The following DNAH11 variants were observed in gnomAD, a reference collection of about 807,000 sequenced individuals.
DNAH11 encodes axonemal beta dynein heavy chain 11.
A neutral mutation model predicts 526.0 loss-of-function variants in DNAH11; 442 were observed. The observed-to-expected ratio is 0.84, with a 90% CI of 0.78 to 0.91. The LOEUF (loss-of-function observed/expected upper bound fraction) is 0.91, where lower values mean the gene tolerates loss of function less well. Among genes scored for constraint, DNAH11 ranks in the 40% least tolerant of loss-of-function variants. The probability of loss-of-function intolerance (pLI) is 0.00; values close to 1 mark genes in which losing one functional copy is unlikely to be tolerated. For missense variants in DNAH11, 6,989 were observed against 5,448.7 expected, an observed-to-expected ratio of 1.28 and a Z score of -8.90; for synonymous variants, 2,461 against 1,935.9, an observed-to-expected ratio of 1.27 and a Z score of -7.12.
intron 61 of DNAH11, among the ~76,000 whole-genome samples, chr7:21,792,979 G>A (rs1788540810): frequency 6.6e-6 from 1 of 151,952 alleles, no homozygotes; most frequent in Non-Finnish European, 1.5e-5. Flanking sequence ...TTATTTGAAT[G>A]TTGTTTATTT....
In DNAH11 at chr7:21,862,033, T is replaced by A; in HGVS notation, c.11373+10T>A. The stretch of plus-strand genomic sequence containing the variant: ...CCAGATGGCTTTTCAGGTAAGGAGA[T>A]CAGTTACTTGAAAAAGGATCCCCAG... On this transcript the variant is annotated intron_variant, in intron 69 of 81. Transcript: ENST00000409508. The A allele has an allele frequency of 6.2e-7, 1 of 1,603,552 alleles. No individual in the cohort carries two copies. The highest frequency in any genetic ancestry group is 8.5e-7 in the Non-Finnish European group (1 of 1,175,050).
In DNAH11 at chr7:21,812,519, T is replaced by TAAAAA. The variant is rs1789573769; in HGVS notation, c.10333-3948_10333-3947insAAAAA. On this transcript the variant is annotated intron_variant, in intron 63 of 81. Transcript: ENST00000409508. ...CACTATCTATATGAAAAAAAAATTT[T>TAAAAA]TTTTAAACCCAGCCAGGTGTGGTGG... Among the ~76,000 whole-genome samples, 16 of 78,964 alleles carry TAAAAA rather than the reference T, an allele frequency of 2.0e-4. No individual in the cohort carries two copies. In the East Asian group the frequency reaches 4.1e-3, roughly 20 times the overall value. 51.8% of individuals were successfully genotyped at this position (78,964 alleles called of 152,430 possible). A position where few individuals can be genotyped will look rare whatever the true frequency, so the allele number is the denominator to read the frequency against.
chr7:21,796,902 TTTTA>T (rs1305224564), intron 61 of DNAH11, among the ~76,000 whole-genome samples: 1 of 152,016 alleles, frequency 6.6e-6, no homozygotes, highest in Non-Finnish European at 1.5e-5. Flanking sequence ...TATTTTTTTA[TTTTA>T]TTTTTTTTAC....
intron 8 of DNAH11, among the ~76,000 whole-genome samples, chr7:21,576,751 A>C (rs1784107631): frequency 6.6e-6 from 1 of 152,188 alleles, no homozygotes; most frequent in Admixed American, 6.5e-5. Context: ...AGTGTATTTC[A>C]AGGAAATGTA....
At chr7:21,615,045 G>A (rs767071172) in intron 20 of DNAH11, 69 bp from the exon 21 acceptor site, 4 of 1,440,238 alleles carry the variant, frequency 2.8e-6, no homozygotes, top group Non-Finnish European at 3.7e-6. Flanking sequence ...GAGATAACCA[G>A]AGCTACAGAA....
At chr7:21,569,924 C>A (rs1408821812) in intron 6 of DNAH11, 145 bp from the exon 7 acceptor site, 2 of 634,940 alleles carry the variant, frequency 3.1e-6, no homozygotes, top group African/African-American at 3.7e-5. Context: ...AGCTGAATTT[C>A]TAGAACTTGT....
intron 65 of DNAH11, among the ~76,000 whole-genome samples, chr7:21,841,481 A>G (rs769005999): frequency 6.6e-6 from 1 of 152,134 alleles, no homozygotes; most frequent in Non-Finnish European, 1.5e-5. Flanking sequence ...GTCTGTGTGG[A>G]GTTTGCACAC....
intron 62 of DNAH11, among the ~76,000 whole-genome samples, chr7:21,804,840 C>T (rs1789182388): frequency 6.6e-6 from 1 of 152,176 alleles, no homozygotes; most frequent in South Asian, 2.1e-4. Context: ...CACTCCTTCA[C>T]TCAGAACTCC....
chr7:21,877,854 A>C (rs1456057499), intron 74 of DNAH11, among the ~76,000 whole-genome samples: 2 of 139,838 alleles, frequency 1.4e-5, no homozygotes, highest in Non-Finnish European at 3.1e-5. Flanking sequence ...CAGCCTGGGC[A>C]ACACAGGGAG....
At chr7:21,836,350 ATAC>A (rs1317624717) in intron 65 of DNAH11, among the ~76,000 whole-genome samples, 1 of 152,202 alleles carries the variant, frequency 6.6e-6, no homozygotes, top group Non-Finnish European at 1.5e-5. Context: ...ACTTCAAAGT[ATAC>A]TACAAAGCTG....
intron 73 of DNAH11, among the ~76,000 whole-genome samples, chr7:21,871,992 T>C (rs1174725680): frequency 6.6e-6 from 1 of 150,866 alleles, no homozygotes; most frequent in South Asian, 2.1e-4. Flanking sequence ...GGCGTGGTGG[T>C]GGGTGCCTGT....
At chr7:21,674,913 C>T (rs1350034856) in intron 30 of DNAH11, among the ~76,000 whole-genome samples, 4 of 152,156 alleles carry the variant, frequency 2.6e-5, no homozygotes, top group South Asian at 2.1e-4. Context: ...ACTAGAAGCC[C>T]GCTTGACTCT....
chr7:21,595,474 GCAAA>G lies in DNAH11; in HGVS notation c.2667+3900_2667+3903del, dbSNP rs1263880528. 3.9e-5 allele frequency among the ~76,000 whole-genome samples: 6 copies of G among 152,272 alleles called. No homozygotes were observed. In the East Asian group the frequency reaches 1.2e-3, roughly 29 times the overall value. On this transcript the variant is annotated intron_variant, in intron 14 of 81. Coordinates refer to ENST00000409508, the MANE Select transcript of DNAH11 (RefSeq NM_001277115.2). ...CTGGATATATTTTGAATTAAGTGGA[GCAAA>G]CAGAGTTTCCCAAAGACTGGATGTG...
chr7:21,783,225 G>A (rs1487497407), intron 57 of DNAH11, among the ~76,000 whole-genome samples: 1 of 152,086 alleles, frequency 6.6e-6, no homozygotes, highest in Non-Finnish European at 1.5e-5. Context: ...TAAGCATGCA[G>A]GGTTCTCCGA....
chr7:21,824,581 A>G (rs1351415376), intron 65 of DNAH11, among the ~76,000 whole-genome samples: 1 of 152,224 alleles, frequency 6.6e-6, no homozygotes, highest in Non-Finnish European at 1.5e-5. Flanking sequence ...AAAGAACTAC[A>G]AATAGTCAAT....
intron 55 of DNAH11, among the ~76,000 whole-genome samples, chr7:21,770,537 A>C (rs1583676837): frequency 6.6e-6 from 1 of 152,112 alleles, no homozygotes; most frequent in Non-Finnish European, 1.5e-5. Context: ...ACCACCTCTC[A>C]TCACCAGCCT....
chr7:21,730,656 C>T (rs934304558), intron 45 of DNAH11, among the ~76,000 whole-genome samples: 3 of 152,092 alleles, frequency 2.0e-5, no homozygotes, highest in Non-Finnish European at 2.9e-5. Flanking sequence ...CTCATAGAAG[C>T]GGAGAGTGGA....
chr7:21,844,811 G>C (rs960578549), intron 66 of DNAH11, among the ~76,000 whole-genome samples: 11 of 152,196 alleles, frequency 7.2e-5, no homozygotes, highest in Non-Finnish European at 1.3e-4. Flanking sequence ...GCTTTACTTG[G>C]ATTTGCCACT....
At chr7:21,650,386 T>G (rs1787571580) in intron 28 of DNAH11, among the ~76,000 whole-genome samples, 1 of 152,116 alleles carries the variant, frequency 6.6e-6, no homozygotes, top group African/African-American at 2.4e-5. Context: ...TTGCTATTTT[T>G]GAGTTACTAT....
Sources: gnomAD v4.1 joint callset for allele counts (sites outside exome capture counted in the v4.1 genomes callset) on GRCh38, gnomAD v4.1.1 for gene constraint, MANE v1.5 for transcripts, NCBI Gene and HGNC (gene_info 2026-07-23, HGNC 2026-07-21) for gene names.